The following PRKCQ variants were observed in gnomAD, a reference collection of about 807,000 sequenced individuals.
The protein encoded by PRKCQ is protein kinase C theta type.
PRKCQ carries 41 observed loss-of-function variants against 91.2 expected under a neutral mutation model. The ratio of observed to expected loss-of-function variants is 0.45; its 90% CI spans 0.35 to 0.58. PRKCQ has a LOEUF of 0.58. Among genes scored for constraint, PRKCQ ranks in the 20% least tolerant of loss-of-function variants. PRKCQ has a pLI of 0.00. For missense variants in PRKCQ, 673 were observed against 896.5 expected, an observed-to-expected ratio of 0.75 and a Z score of 3.18; for synonymous variants, 307 against 316.9, an observed-to-expected ratio of 0.97 and a Z score of 0.33.
At chr10:6,413,396 C>T in the PRKCQ span, among the ~76,000 whole-genome samples, 1 of 152,014 alleles carries the variant, frequency 6.6e-6, no homozygotes, top group Non-Finnish European at 1.5e-5. Flanking sequence ...CCCTGGGCTC[C>T]TCTGCAACAA....
intron 1 of PRKCQ, among the ~76,000 whole-genome samples, chr10:6,539,780 C>T: frequency 6.6e-6 from 1 of 152,160 alleles, no homozygotes; most frequent in East Asian, 1.9e-4. Flanking sequence ...GCGCAGCACT[C>T]TGCATCACAA....
intron 14 of PRKCQ, among the ~76,000 whole-genome samples, chr10:6,460,231 G>C (rs1835246384): frequency 6.6e-6 from 1 of 151,542 alleles, no homozygotes; most frequent in Admixed American, 6.6e-5. Flanking sequence ...TCCATGCATG[G>C]GCAGGGTAAG....
chr10:6,497,399 T>C lies in PRKCQ; in HGVS notation c.543-148A>G. ...CCTGTTGTATCATTTGCCAAGAGTA[T>C]TAACAGAGTGTTTTTCATTTGAAGC... On this transcript the variant is annotated intron_variant, in intron 5 of 17. Transcript: ENST00000263125. The surrounding 1 kb of genome is among the most constrained non-coding windows in gnomAD (Gnocchi z 4.5). 2.2e-6 allele frequency: 2 copies of C among 914,846 alleles called. No homozygotes were observed. Among genetic ancestry groups the C allele is most frequent in the Non-Finnish European group, 3.5e-6 (2 of 579,248 alleles). 56.7% of individuals were successfully genotyped at this position (914,846 alleles called of 1,614,324 possible).
At chr10:6,530,455 G>T (rs1202588772) in intron 1 of PRKCQ, among the ~76,000 whole-genome samples, 1 of 152,228 alleles carries the variant, frequency 6.6e-6, no homozygotes, top group South Asian at 2.1e-4. Flanking sequence ...TGCTCAGTCC[G>T]CAGTGAGCTA....
chr10:6,441,212 T>TAA (rs199903878), intron 16 of PRKCQ, among the ~76,000 whole-genome samples: 11 of 150,956 alleles, frequency 7.3e-5, no homozygotes, highest in Admixed American at 2.0e-4. Flanking sequence ...CTGAGTAAAA[T>TAA]AAAAAAAAAC....
At chr10:6,550,151 A>T (rs1332949612) in intron 1 of PRKCQ, among the ~76,000 whole-genome samples, 1 of 152,242 alleles carries the variant, frequency 6.6e-6, no homozygotes, top group African/African-American at 2.4e-5. Flanking sequence ...TCATAGGTAG[A>T]ACGGGCAATA....
intron 1 of PRKCQ, among the ~76,000 whole-genome samples, chr10:6,569,358 G>T (rs946262929): frequency 1.3e-5 from 2 of 151,860 alleles, no homozygotes; most frequent in African/African-American, 4.9e-5. Flanking sequence ...TTGAGCAGAC[G>T]TCCACGAGAT....
chr10:6,493,841 A>G (rs1039457923), intron 7 of PRKCQ, among the ~76,000 whole-genome samples: 6 of 152,238 alleles, frequency 3.9e-5, no homozygotes, highest in African/African-American at 1.4e-4. Context: ...ATCACCGGTT[A>G]GCACAAGTTT....
chr10:6,458,565 G>A (rs984127555), intron 14 of PRKCQ, among the ~76,000 whole-genome samples: 4 of 152,068 alleles, frequency 2.6e-5, no homozygotes, highest in African/African-American at 9.7e-5. Flanking sequence ...TGAGGTTAAC[G>A]GAGGCAAAGC....
the PRKCQ span, among the ~76,000 whole-genome samples, chr10:6,404,916 CCTTCCTTCCTCCCTT>C: frequency 0.047 from 6,899 of 147,080 alleles, 279 homozygotes; most frequent in South Asian, 0.13. Flanking sequence ...CTTCCTCCCT[CCTTCCTTCCTCCCTT>C]CCCTTCCCTT....
intron 14 of PRKCQ, among the ~76,000 whole-genome samples, chr10:6,457,795 C>T (rs1256256581): frequency 6.6e-6 from 1 of 152,190 alleles, no homozygotes; most frequent in African/African-American, 2.4e-5. Context: ...AGTTTCATCA[C>T]AGTAATGCCC....
chr10:6,464,271 C>T (rs774465362), intron 13 of PRKCQ, 42 bp downstream of exon 13: 1 of 1,550,024 alleles, frequency 6.5e-7, no homozygotes, highest in South Asian at 1.2e-5. Context: ...CAAGAACTGA[C>T]AAGAACAGTG....
In PRKCQ at chr10:6,505,523, TTTC is replaced by T. The variant is rs1838155093; in HGVS notation, c.379+1910_379+1912del. Among the ~76,000 whole-genome samples, 27 of 79,902 alleles carry T rather than the reference TTTC, an allele frequency of 3.4e-4. 1 individual carries two copies. In the South Asian group the frequency reaches 0.012, roughly 35 times the overall value. The allele number at this position is 79,902 out of a possible 152,430, so 52.4% of individuals were successfully genotyped here. The stretch of plus-strand genomic sequence containing the variant: ...CCTCCTCCTTCCTTCCTTCCTTTTC[TTTC>T]TTTCTTTTTCTTTCTTTTCTTCTTT... On this transcript the variant is annotated intron_variant, in intron 4 of 17. Coordinates refer to ENST00000263125, the MANE Select transcript of PRKCQ (RefSeq NM_006257.5).
intron 8 of PRKCQ, among the ~76,000 whole-genome samples, chr10:6,487,477 C>T (rs1245594847): frequency 2.0e-5 from 3 of 152,038 alleles, no homozygotes; most frequent in Non-Finnish European, 4.4e-5. Context: ...TGGGGGCTCC[C>T]GATTAAGGAT....
At chr10:6,403,506 C>T in the PRKCQ span, among the ~76,000 whole-genome samples, 6 of 152,180 alleles carry the variant, frequency 3.9e-5, no homozygotes, top group East Asian at 1.9e-4. Context: ...ACCGTGAGTT[C>T]CCGGCTCACT....
chr10:6,540,701 G>A (rs142782378), intron 1 of PRKCQ, among the ~76,000 whole-genome samples: 467 of 152,322 alleles, frequency 3.1e-3, no homozygotes, highest in African/African-American at 0.011. Flanking sequence ...ACGGAGTTTA[G>A]TGTACAAGTA....
At chr10:6,422,509 CTCT>C (rs1307896117), downstream of PRKCQ, among the ~76,000 whole-genome samples, 6 of 152,160 alleles carry the variant, frequency 3.9e-5, no homozygotes, top group South Asian at 2.1e-4. Context: ...CTAGTTCCAG[CTCT>C]TCTTCTATGA....
the PRKCQ span, among the ~76,000 whole-genome samples, chr10:6,413,142 C>T: frequency 8.6e-5 from 13 of 151,810 alleles, no homozygotes; most frequent in Admixed American, 2.0e-4. Flanking sequence ...TTAGTAGAGA[C>T]GGGGTTTCAC....
chr10:6,535,863 C>T (rs1171532856), intron 1 of PRKCQ, among the ~76,000 whole-genome samples: 5 of 152,178 alleles, frequency 3.3e-5, no homozygotes, highest in East Asian at 1.9e-4. Context: ...TTTAAGCTGA[C>T]GAAACCAACT....
Sources: gnomAD v4.1 joint callset for allele counts (sites outside exome capture counted in the v4.1 genomes callset) on GRCh38, gnomAD v4.1.1 for gene constraint, Gnocchi (gnomAD v3.1) non-coding constraint, MANE v1.5 for transcripts, NCBI Gene and HGNC (gene_info 2026-07-23, HGNC 2026-07-21) for gene names.